The following FAM168A variants were observed in gnomAD, a reference collection of about 807,000 sequenced individuals.
The protein encoded by FAM168A is protein FAM168A.
FAM168A carries 3 observed loss-of-function variants against 28.5 expected under a neutral mutation model. That is an observed-to-expected ratio of 0.11 (90% CI 0.05 to 0.27). FAM168A has a LOEUF of 0.27. FAM168A is among the 10% of genes least tolerant of loss of function. The pLI is 1.00. For synonymous variants in FAM168A, 122 were observed against 124.2 expected, an observed-to-expected ratio of 0.98 and a Z score of 0.12; for missense variants, 222 against 311.5, an observed-to-expected ratio of 0.71 and a Z score of 2.16.
chr11:73,492,153 G>A (rs1868136425), intron 1 of FAM168A, among the ~76,000 whole-genome samples: 1 of 152,124 alleles, frequency 6.6e-6, no homozygotes, highest in East Asian at 1.9e-4. Flanking sequence ...CACACGCCAA[G>A]CCCAATGTTC....
chr11:73,589,503 A>G (rs547532172), intron 1 of FAM168A, among the ~76,000 whole-genome samples: 4 of 152,118 alleles, frequency 2.6e-5, no homozygotes, highest in African/African-American at 9.6e-5. Flanking sequence ...CTGAAAAAAA[A>G]AAAAAAAGAA....
At chr11:73,567,824 G>A (rs1434421855) in intron 1 of FAM168A, among the ~76,000 whole-genome samples, 1 of 152,060 alleles carries the variant, frequency 6.6e-6, no homozygotes, top group Non-Finnish European at 1.5e-5. Context: ...GAATGCAGAT[G>A]AGGGCATCAC....
chr11:73,548,260 TAAATAAGC>T (rs905826185), intron 1 of FAM168A, among the ~76,000 whole-genome samples: 1 of 151,776 alleles, frequency 6.6e-6, no homozygotes, highest in Non-Finnish European at 1.5e-5. Flanking sequence ...AATAAATAAA[TAAATAAGC>T]AAGCAAGCTG....
At chr11:73,576,174 CAGA>C (rs1169419703) in intron 1 of FAM168A, among the ~76,000 whole-genome samples, 1 of 152,178 alleles carries the variant, frequency 6.6e-6, no homozygotes, top group Non-Finnish European at 1.5e-5. Context: ...CTTCTCCATT[CAGA>C]AGATCTTCTA....
chr11:73,516,244 A>ATG (rs1396733095), intron 1 of FAM168A, among the ~76,000 whole-genome samples: 1 of 152,206 alleles, frequency 6.6e-6, no homozygotes, highest in Non-Finnish European at 1.5e-5. Context: ...AAAGACCTAA[A>ATG]TGTGTCCTGG....
intron 1 of FAM168A, among the ~76,000 whole-genome samples, chr11:73,505,829 G>A (rs895553162): frequency 1.3e-5 from 2 of 152,188 alleles, no homozygotes; most frequent in African/African-American, 2.4e-5. Context: ...CTGACCTGGA[G>A]TTGAATTCAG....
chr11:73,561,249 C>T (rs1290406625), intron 1 of FAM168A, among the ~76,000 whole-genome samples: 1 of 151,880 alleles, frequency 6.6e-6, no homozygotes. Flanking sequence ...GTGGCATGTG[C>T]CTGTAATCCC....
At chr11:73,560,254 G>T in intron 1 of FAM168A, among the ~76,000 whole-genome samples, 1 of 151,684 alleles carries the variant, frequency 6.6e-6, no homozygotes, top group Non-Finnish European at 1.5e-5. Context: ...TAAAGAGATG[G>T]GGTCTCACTA....
At chr11:73,407,474 G>A (rs1322047995) in intron 7 of FAM168A, 39 bp downstream of exon 7, 20 of 1,418,392 alleles carry the variant, frequency 1.4e-5, no homozygotes, top group Non-Finnish European at 1.7e-5. Flanking sequence ...GTTCCTGTAT[G>A]TATCCCCCTC....
intron 3 of FAM168A, among the ~76,000 whole-genome samples, chr11:73,428,027 G>A (rs1217338056): frequency 2.6e-5 from 4 of 152,196 alleles, no homozygotes; most frequent in Non-Finnish European, 4.4e-5. Flanking sequence ...CATTAGATGA[G>A]AATTCTCCAC....
In FAM168A at chr11:73,411,527, G is replaced by A. The variant is rs1866610911; in HGVS notation, c.287C>T (p.Ala96Val). 13 of 1,613,888 alleles carry A rather than the reference G, an allele frequency of 8.1e-6. No homozygotes were observed. The highest frequency in any genetic ancestry group is 1.1e-5 in the South Asian group (1 of 91,078). The change falls in exon 5 of 8, where the codon GCG becomes GTG. Residue 96 changes from alanine to valine, a missense_variant. By Grantham distance (64) the Ala-to-Val change is moderately conservative (BLOSUM62 0). This residue lies in a region of FAM168A where 153 missense variants were observed against 189.2 expected (regional missense o/e 0.81). Coordinates refer to ENST00000356467, the MANE Select transcript of FAM168A (RefSeq NM_015159.3). Reference protein sequence around the residue: ...QASSAAFRYTAGTPYKVPPTQ... With the variant: ...QASSAAFRYTVGTPYKVPPTQ... The stretch of plus-strand genomic sequence containing the variant: ...CGGTGGGACCTTGTATGGTGTCCCC[G>A]CAGTATATCCTGTACCAAGGCAATA...
At chr11:73,555,418 A>G (rs367552637) in intron 1 of FAM168A, among the ~76,000 whole-genome samples, 13 of 152,246 alleles carry the variant, frequency 8.5e-5, no homozygotes, top group African/African-American at 2.4e-4. Flanking sequence ...AGAAAATGCC[A>G]AAGTAAGGCA....
chr11:73,543,671 A>G lies in FAM168A; in HGVS notation c.-19+54252T>C, dbSNP rs548016742. Among the ~76,000 whole-genome samples, 3 of 152,282 alleles carry G rather than the reference A, an allele frequency of 2.0e-5. No homozygotes were observed. In the East Asian group the frequency reaches 5.8e-4, roughly 29 times the overall value. On this transcript the variant is annotated intron_variant, in intron 1 of 7. Transcript: ENST00000356467. ...CTAGATATGCTAACTGAGTACTTTC[A>G]ATTTAACCTGATAGAAGTAACCAAA...
intron 1 of FAM168A, among the ~76,000 whole-genome samples, chr11:73,484,617 T>G (rs948200628): frequency 2.1e-5 from 3 of 145,458 alleles, no homozygotes; most frequent in Non-Finnish European, 3.0e-5. Flanking sequence ...TCGATATATA[T>G]CTATATATAG....
intron 1 of FAM168A, among the ~76,000 whole-genome samples, chr11:73,522,628 G>T (rs993380225): frequency 6.6e-6 from 1 of 151,414 alleles, no homozygotes; most frequent in East Asian, 2.0e-4. Context: ...GAGCCACCAC[G>T]CCTGGCCAGG....
intron 1 of FAM168A, among the ~76,000 whole-genome samples, chr11:73,573,365 A>G (rs1193511146): frequency 6.6e-6 from 1 of 152,154 alleles, no homozygotes; most frequent in East Asian, 1.9e-4. Flanking sequence ...AGTTTTTCTA[A>G]TCAAGGAGCC....
At chr11:73,407,286 G>A (rs899691735) in intron 7 of FAM168A, among the ~76,000 whole-genome samples, 1 of 152,166 alleles carries the variant, frequency 6.6e-6, no homozygotes, top group Non-Finnish European at 1.5e-5. Context: ...TAAGCAAAGG[G>A]ATAGCTATTA....
In FAM168A at chr11:73,498,892, C is replaced by T. The variant is rs150097588; in HGVS notation, c.-18-30400G>A. On this transcript the variant is annotated intron_variant, in intron 1 of 7. Transcript: ENST00000356467. ...CCTGGACCTGAGCCCCTAGCGGGGA[C>T]GGGTAGCCATAGTTTCTTTGGACCA... 6.9e-3 allele frequency among the ~76,000 whole-genome samples: 1,057 copies of T among 152,242 alleles called. 11 individuals carry two copies. The highest frequency in any genetic ancestry group is 0.022 in the African/African-American group (921 of 41,546).
intron 3 of FAM168A, among the ~76,000 whole-genome samples, chr11:73,429,812 G>A (rs1866952140): frequency 6.6e-6 from 1 of 152,196 alleles, no homozygotes; most frequent in Non-Finnish European, 1.5e-5. Context: ...ACTTCAGGCA[G>A]GCAAAGATGG....
Sources: gnomAD v4.1 joint callset for allele counts (sites outside exome capture counted in the v4.1 genomes callset) on GRCh38, gnomAD v4.1.1 for gene constraint, gnomAD v4.1.1 regional missense constraint, MANE v1.5 for transcripts, NCBI Gene and HGNC (gene_info 2026-07-23, HGNC 2026-07-21) for gene names.